PKHD1: variants seen among roughly 807,000 people sequenced by gnomAD.
The protein encoded by PKHD1 is fibrocystin.
In PKHD1, 291 loss-of-function variants were observed where a neutral mutation model predicts 412.0. The observed-to-expected ratio is 0.71, with a 90% CI of 0.64 to 0.78. PKHD1 has a LOEUF of 0.78. Ranked by LOEUF, PKHD1 falls within the 30% of genes least tolerant of loss-of-function variation. The pLI, the probability that PKHD1 is intolerant of heterozygous loss-of-function variation, is 0.00. For synonymous variants in PKHD1, 1,777 were observed against 1,821.5 expected, an observed-to-expected ratio of 0.98 and a Z score of 0.62; for missense variants, 4,825 against 4,950.7, an observed-to-expected ratio of 0.97 and a Z score of 0.76.
At position 51,891,712 on chromosome 6, in the gene PKHD1, AACACACACACACAC is replaced by A. The variant is rs58262423; in HGVS notation, c.6997-4481_6997-4468del. Among the ~76,000 whole-genome samples the A allele has an allele frequency of 6.3e-5, 9 of 143,840 alleles. No individual in the cohort carries two copies. The South Asian group carries it at 6.8e-4, about 11-fold the overall frequency. 94.4% of individuals were successfully genotyped at this position (143,840 alleles called of 152,430 possible). On this transcript the variant is annotated intron_variant, in intron 43 of 66. Transcript: ENST00000371117. ...TGAATGTACCACATGTTCCACAAGGAACACACACACACACACACACACACACACACACACACATT... is the reference window on the plus strand; with the variant it reads ...TGAATGTACCACATGTTCCACAAGGAACACACACACACACACACACACATT...
chr6:51,791,859 A>C (rs1793811322), intron 52 of PKHD1, among the ~76,000 whole-genome samples: 1 of 152,224 alleles, frequency 6.6e-6, no homozygotes, highest in African/African-American at 2.4e-5. Context: ...AATGGGAATA[A>C]TACTAAAAAC....
intron 60 of PKHD1, among the ~76,000 whole-genome samples, chr6:51,666,416 C>T (rs142760975): frequency 0.019 from 2,835 of 152,224 alleles, 105 homozygotes; most frequent in African/African-American, 0.065. Flanking sequence ...ATAGAGAAGA[C>T]AGAAAGATAA....
chr6:51,775,718 G>A, intron 54 of PKHD1, 90 bp downstream of exon 54: 3 of 726,824 alleles, frequency 4.1e-6, no homozygotes, highest in Admixed American at 1.9e-5. Context: ...TTTAGCATAT[G>A]TTCTATGAAT....
intron 27 of PKHD1, among the ~76,000 whole-genome samples, chr6:52,038,366 C>T (rs1339855337): frequency 7.1e-6 from 1 of 141,246 alleles, no homozygotes; most frequent in Non-Finnish European, 1.5e-5. Flanking sequence ...CAGAATGAGA[C>T]TCGGTCTCAA....
intron 35 of PKHD1, among the ~76,000 whole-genome samples, chr6:51,965,832 T>C (rs1362935570): frequency 6.6e-6 from 1 of 152,126 alleles, no homozygotes; most frequent in Admixed American, 6.6e-5. Flanking sequence ...ATATCTAAGT[T>C]ATTAGCCCTC....
At chr6:51,944,371 A>G (rs1789101279) in intron 36 of PKHD1, among the ~76,000 whole-genome samples, 2 of 152,164 alleles carry the variant, frequency 1.3e-5, no homozygotes, top group African/African-American at 2.4e-5. Context: ...TGAAATAAAC[A>G]GCCTTGTTGC....
At chr6:51,630,802 T>C (rs1295354801) in intron 65 of PKHD1, among the ~76,000 whole-genome samples, 8 of 152,208 alleles carry the variant, frequency 5.3e-5, no homozygotes, top group African/African-American at 1.4e-4. Context: ...AAATCACTTA[T>C]ACAGATCTGA....
At chr6:51,844,513 C>A (rs1160100534) in intron 50 of PKHD1, among the ~76,000 whole-genome samples, 3 of 152,188 alleles carry the variant, frequency 2.0e-5, no homozygotes, top group Admixed American at 2.0e-4. Context: ...GGTCAGTGAT[C>A]CACAATTATT....
In PKHD1 at chr6:52,028,285, T is replaced by A; in HGVS notation, c.3431A>T (p.His1144Leu). ...AACCGGAGCCAAGGCATCCTGGACG[T>A]GGACTTCCACATCCAAATCCGTATA... ...MNYTDLDVEVHVQDALAPVHT... is the reference protein window; with the variant it reads ...MNYTDLDVEVLVQDALAPVHT... The change falls in exon 30 of 67, where the codon CAC (histidine) becomes CTC (leucine). Residue 1144 changes from histidine to leucine, a missense_variant. Coordinates refer to ENST00000371117, the MANE Select transcript of PKHD1 (RefSeq NM_138694.4). The A allele has an allele frequency of 6.2e-7, 1 of 1,614,188 alleles. No individual in the cohort carries two copies. Among genetic ancestry groups the A allele is most frequent in the Non-Finnish European group, 8.5e-7 (1 of 1,180,028 alleles).
chr6:51,665,220 GAC>G (rs1773540422), intron 60 of PKHD1, among the ~76,000 whole-genome samples: 1 of 152,058 alleles, frequency 6.6e-6, no homozygotes, highest in Admixed American at 6.6e-5. Flanking sequence ...GTAGTCTTGT[GAC>G]AGATATACTT....
intron 55 of PKHD1, among the ~76,000 whole-genome samples, chr6:51,755,982 A>G (rs187309214): frequency 5.8e-4 from 88 of 152,308 alleles, no homozygotes; most frequent in African/African-American, 2.0e-3. Flanking sequence ...GTGTAATACC[A>G]TGGGAGTACA....
In PKHD1 at chr6:51,856,148, T is replaced by C. The variant is rs2151690103; in HGVS notation, c.7734-78A>G. On this transcript the variant is annotated intron_variant, in intron 48 of 66. Coordinates refer to ENST00000371117, the MANE Select transcript of PKHD1 (RefSeq NM_138694.4). Reference sequence around the variant, plus strand: ...CTGAATCCAATACATTCCTCTTTCATCAATTGCAATCATCTTTCCATTCTC... The same window carrying C: ...CTGAATCCAATACATTCCTCTTTCACCAATTGCAATCATCTTTCCATTCTC... 4.7e-6 allele frequency: 4 copies of C among 853,046 alleles called. No homozygotes were observed. The South Asian group carries it at 5.4e-5, about 11-fold the overall frequency. 52.8% of individuals were successfully genotyped at this position (853,046 alleles called of 1,614,324 possible).
intron 27 of PKHD1, among the ~76,000 whole-genome samples, chr6:52,042,036 C>G (rs1804975103): frequency 6.6e-6 from 1 of 152,180 alleles, no homozygotes. Context: ...TACACTCAAA[C>G]CAATAATTAC....
At chr6:51,837,109 C>T (rs1769368438) in intron 50 of PKHD1, among the ~76,000 whole-genome samples, 1 of 152,132 alleles carries the variant, frequency 6.6e-6, no homozygotes, top group African/African-American at 2.4e-5. Flanking sequence ...TGCTCCTTTG[C>T]CAAGAGAGGC....
At chr6:52,023,842 T>A (rs1467675277) in intron 32 of PKHD1, among the ~76,000 whole-genome samples, 3 of 152,214 alleles carry the variant, frequency 2.0e-5, no homozygotes, top group Non-Finnish European at 4.4e-5. Context: ...GCAAAATTAG[T>A]GATAGACTAG....
Position 52,082,522 on chromosome 6 carries a change from A to G in PKHD1, c.151T>C (p.Tyr51His), listed in dbSNP as rs766348931. The G allele has an allele frequency of 1.2e-6, 2 of 1,614,098 alleles. No individual in the cohort carries two copies. Among genetic ancestry groups the G allele is most frequent in the South Asian group, 1.1e-5 (1 of 91,088 alleles). The change falls in exon 4 of 67, where the codon TAC becomes CAC. Residue 51 changes from tyrosine to histidine, a missense_variant. By Grantham distance (83) the Tyr-to-His change is moderately conservative. Transcript: ENST00000371117. ...IFDGLELGVL[Y>H]PNNGSQLEIH... is the part of the protein sequence containing the mutation. ...TCCAATTGAGAGCCATTGTTGGGGT[A>G]AAGAACACCCAACTCCAAACCTAAC...
rs189002905 is a variant in PKHD1, at chr6:51,841,297, C to T, written c.8108-4828G>A. ...GACCTGTGTGAATTAAGGCTAGCAACTCAGCATTGCGGAGCATTAACTCCT... is the reference window on the plus strand; with the variant it reads ...GACCTGTGTGAATTAAGGCTAGCAATTCAGCATTGCGGAGCATTAACTCCT... On this transcript the variant is annotated intron_variant, in intron 50 of 66. Transcript: ENST00000371117. Among the ~76,000 whole-genome samples, 100 of 152,370 alleles carry T rather than the reference C, an allele frequency of 6.6e-4. 1 individual carries two copies. The highest frequency in any genetic ancestry group is 5.9e-5 in the Non-Finnish European group (4 of 68,038).
At chr6:51,986,296 A>C (rs1185917632) in intron 35 of PKHD1, among the ~76,000 whole-genome samples, 1 of 152,338 alleles carries the variant, frequency 6.6e-6, no homozygotes, top group South Asian at 2.1e-4. Flanking sequence ...CACAATATCC[A>C]CACACCAAAC....
chr6:51,728,826 T>C (rs1196380344), intron 60 of PKHD1, among the ~76,000 whole-genome samples: 1 of 152,236 alleles, frequency 6.6e-6, no homozygotes, highest in East Asian at 1.9e-4. Flanking sequence ...CAGGATGTCA[T>C]GCTCAAATGT....
Sources: gnomAD v4.1 joint callset for allele counts (sites outside exome capture counted in the v4.1 genomes callset) on GRCh38, gnomAD v4.1.1 for gene constraint, MANE v1.5 for transcripts, NCBI Gene and HGNC (gene_info 2026-07-23, HGNC 2026-07-21) for gene names.